WWOX: variants seen among roughly 807,000 people sequenced by gnomAD.
WWOX encodes the protein WW domain-containing oxidoreductase.
In WWOX, 69 loss-of-function variants were observed where a neutral mutation model predicts 46.2. That is an observed-to-expected ratio of 1.49 (90% CI 1.23 to 1.82). The LOEUF is 1.82. Among genes scored for constraint, WWOX ranks in the 40% most tolerant of loss-of-function variants. The probability of loss-of-function intolerance (pLI) is 0.00; values close to 1 mark genes in which losing one functional copy is unlikely to be tolerated. For synonymous variants in WWOX, 359 were observed against 202.6 expected (o/e 1.77, Z -6.56); for missense variants, 919 against 542.6 (o/e 1.69, Z -6.89).
intron 8 of WWOX, among the ~76,000 whole-genome samples, chr16:78,733,523 G>A (rs560143377): frequency 2.0e-5 from 3 of 151,532 alleles, no homozygotes; most frequent in African/African-American, 4.9e-5. Flanking sequence ...CGAGGTGGGC[G>A]GATCACGAGG....
At chr16:78,997,993 C>T (rs2047022693) in intron 8 of WWOX, among the ~76,000 whole-genome samples, 1 of 152,160 alleles carries the variant, frequency 6.6e-6, no homozygotes, top group African/African-American at 2.4e-5. Flanking sequence ...TCTCCTGCCT[C>T]AGCCTCCCGA....
At chr16:78,806,107 T>C (rs1288545883) in intron 8 of WWOX, among the ~76,000 whole-genome samples, 1 of 152,182 alleles carries the variant, frequency 6.6e-6, no homozygotes, top group African/African-American at 2.4e-5. Context: ...AACTTTGTGG[T>C]ATATTCATTA....
intron 8 of WWOX, among the ~76,000 whole-genome samples, chr16:79,207,811 T>A (rs2051570272): frequency 6.6e-6 from 1 of 152,216 alleles, no homozygotes; most frequent in South Asian, 2.1e-4. Flanking sequence ...TACCATATAT[T>A]GTTTATCAGA....
chr16:78,861,646 A>T (rs190998897), intron 8 of WWOX, among the ~76,000 whole-genome samples: 31 of 152,350 alleles, frequency 2.0e-4, no homozygotes, highest in African/African-American at 5.8e-4. Context: ...ATTTAATATC[A>T]TGAAGTGAAG....
chr16:78,611,913 A>G (rs1237723052), intron 8 of WWOX, among the ~76,000 whole-genome samples: 1 of 152,204 alleles, frequency 6.6e-6, no homozygotes, highest in Non-Finnish European at 1.5e-5. Context: ...AATCATGTAT[A>G]CAAGCCAGAA....
chr16:78,708,374 G>GTT (rs946314371), intron 8 of WWOX, among the ~76,000 whole-genome samples: 1 of 152,136 alleles, frequency 6.6e-6, no homozygotes, highest in African/African-American at 2.4e-5. Context: ...GGCATCCTGT[G>GTT]TTTTTATTTG....
intron 8 of WWOX, among the ~76,000 whole-genome samples, chr16:78,792,205 T>G (rs1481663120): frequency 6.6e-6 from 1 of 152,150 alleles, no homozygotes; most frequent in Non-Finnish European, 1.5e-5. Flanking sequence ...TGAGGTGACC[T>G]TGGCTAAGCT....
intron 8 of WWOX, among the ~76,000 whole-genome samples, chr16:78,858,715 C>T (rs1043721444): frequency 6.6e-6 from 1 of 151,832 alleles, no homozygotes; most frequent in East Asian, 1.9e-4. Flanking sequence ...TGTCTTACTT[C>T]ATCACCCATT....
intron 8 of WWOX, among the ~76,000 whole-genome samples, chr16:78,862,314 G>C (rs192552693): frequency 6.6e-6 from 1 of 150,734 alleles, no homozygotes; most frequent in Non-Finnish European, 1.5e-5. Flanking sequence ...ACCTATGGGT[G>C]TGTCTTTCTA....
chr16:78,613,317 C>A (rs1418983164), intron 8 of WWOX, among the ~76,000 whole-genome samples: 1 of 152,100 alleles, frequency 6.6e-6, no homozygotes, highest in Non-Finnish European at 1.5e-5. Context: ...CCAGTGTGTT[C>A]CTTGAAGTCC....
At chr16:78,578,273 TATATATATATA>T (rs1488145863) in intron 8 of WWOX, among the ~76,000 whole-genome samples, 2 of 36,650 alleles carry the variant, frequency 5.5e-5, no homozygotes, top group African/African-American at 1.8e-4. Context: ...TATATATATA[TATATATATATA>T]TTTTTTTTTT....
intron 8 of WWOX, among the ~76,000 whole-genome samples, chr16:79,210,079 G>C (rs1567622564): frequency 6.6e-6 from 1 of 152,198 alleles, no homozygotes; most frequent in South Asian, 2.1e-4. Context: ...AACTTGTCCA[G>C]TATCATCAAG....
chr16:79,106,653 A>G (rs1251713611), intron 8 of WWOX: 1 of 125,542 alleles, frequency 8.0e-6, no homozygotes, highest in Non-Finnish European at 1.6e-5. Context: ...GTTGGAATGC[A>G]GTGTCAGGAT....
At chr16:78,326,430 A>G (rs2080616709) in intron 5 of WWOX, among the ~76,000 whole-genome samples, 1 of 152,084 alleles carries the variant, frequency 6.6e-6, no homozygotes, top group Non-Finnish European at 1.5e-5. Flanking sequence ...TGGGAGAAAC[A>G]AGGGGTTGAA....
intron 8 of WWOX, among the ~76,000 whole-genome samples, chr16:78,498,360 A>C (rs2084971439): frequency 1.3e-5 from 2 of 152,136 alleles, no homozygotes; most frequent in Non-Finnish European, 1.5e-5. Context: ...CAGTGATTTC[A>C]CAGTTGATAG....
rs1269585595 is a variant in WWOX at position 78,233,524 on chromosome 16, A to T, written c.516+69235A>T. On this transcript the variant is annotated intron_variant, in intron 5 of 8. Transcript: ENST00000566780. ...TGAAACATTTTCCTTTGATGATTAAATTTTTTTTTTTTTTTTTTTTGAGAT... is the reference window on the plus strand; with the variant it reads ...TGAAACATTTTCCTTTGATGATTAATTTTTTTTTTTTTTTTTTTTTGAGAT... Among the ~76,000 whole-genome samples, 9 of 125,970 alleles carry T rather than the reference A, an allele frequency of 7.1e-5. No homozygotes were observed. The South Asian group carries it at 7.6e-4, about 11-fold the overall frequency. The allele number at this position is 125,970 out of a possible 152,430, so 82.6% of individuals were successfully genotyped here.
At chr16:78,973,075 G>T (rs1161419512) in intron 8 of WWOX, among the ~76,000 whole-genome samples, 1 of 152,224 alleles carries the variant, frequency 6.6e-6, no homozygotes, top group Non-Finnish European at 1.5e-5. Context: ...ACAGCTGTCA[G>T]CATTGTTAAT....
At chr16:78,653,078 C>G (rs947174499) in intron 8 of WWOX, among the ~76,000 whole-genome samples, 6 of 151,832 alleles carry the variant, frequency 4.0e-5, no homozygotes, top group African/African-American at 1.2e-4. Context: ...TATTTTGTTG[C>G]ATGTTCTTTT....
chr16:78,454,855 G>A (rs1190612748), intron 8 of WWOX, among the ~76,000 whole-genome samples: 1 of 152,146 alleles, frequency 6.6e-6, no homozygotes, highest in Non-Finnish European at 1.5e-5. Flanking sequence ...AATACCAACT[G>A]TTGCTTTCAC....
Sources: allele counts gnomAD v4.1 joint callset (sites outside exome capture counted in the v4.1 genomes callset), GRCh38; gene constraint gnomAD v4.1.1; transcripts MANE v1.5; gene names NCBI Gene and HGNC (gene_info 2026-07-23, HGNC 2026-07-21).